The following RASSF3 variants were observed in gnomAD, a reference collection of about 807,000 sequenced individuals.
RASSF3 encodes the protein ras association domain-containing protein 3.
A neutral mutation model predicts 19.9 loss-of-function variants in RASSF3; 19 were observed. The observed-to-expected ratio is 0.96, with a 90% CI of 0.67 to 1.40. The LOEUF (loss-of-function observed/expected upper bound fraction) is 1.40, where lower values mean the gene tolerates loss of function less well. Ranked by LOEUF, RASSF3 falls within the 40% of genes most tolerant of loss-of-function variation. The probability of loss-of-function intolerance (pLI) is 0.00; values close to 1 mark genes in which losing one functional copy is unlikely to be tolerated. For synonymous variants in RASSF3, 110 were observed against 104.2 expected, an observed-to-expected ratio of 1.06 and a Z score of -0.34; for missense variants, 306 against 289.8, an observed-to-expected ratio of 1.06 and a Z score of -0.41.
intron 1 of RASSF3, among the ~76,000 whole-genome samples, chr12:64,652,036 C>T (rs181223351): frequency 3.9e-5 from 6 of 152,196 alleles, no homozygotes; most frequent in Admixed American, 1.3e-4. Flanking sequence ...AATTATTAGA[C>T]GTGCTAAGGC....
chr12:64,619,344 A>G (rs541909404), intron 1 of RASSF3, among the ~76,000 whole-genome samples: 78 of 150,734 alleles, frequency 5.2e-4, no homozygotes, highest in Non-Finnish European at 7.4e-4. Context: ...TTTTTTCCAC[A>G]TGAGCCAATA....
chr12:64,554,700 G>A (rs1330121889), intron 2 of RASSF3, among the ~76,000 whole-genome samples: 22 of 152,134 alleles, frequency 1.4e-4, no homozygotes, highest in Non-Finnish European at 1.5e-5. Flanking sequence ...AACTAGAAAT[G>A]GGATGACAGT....
chr12:64,542,750 C>A (rs1368212395), downstream of RASSF3, among the ~76,000 whole-genome samples: 1 of 152,168 alleles, frequency 6.6e-6, no homozygotes, highest in Non-Finnish European at 1.5e-5. Context: ...ATTAATAGGG[C>A]ATGGTGGTGA....
chr12:64,604,134 T>TC (rs1870143537), intron 2 of RASSF3, among the ~76,000 whole-genome samples: 1 of 150,972 alleles, frequency 6.6e-6, no homozygotes, highest in Non-Finnish European at 1.5e-5. Flanking sequence ...GTTTTCTTTT[T>TC]TTTTTTTTTT....
At chr12:64,520,864 G>A (rs910228521) in intron 1 of RASSF3, among the ~76,000 whole-genome samples, 3 of 152,044 alleles carry the variant, frequency 2.0e-5, no homozygotes, top group African/African-American at 7.2e-5. Context: ...GGACCCCAAA[G>A]GAGCTAGAGA....
At chr12:64,596,067 T>C (rs1869995228) in intron 2 of RASSF3, among the ~76,000 whole-genome samples, 1 of 152,206 alleles carries the variant, frequency 6.6e-6, no homozygotes, top group Non-Finnish European at 1.5e-5. Flanking sequence ...GAATGCATGC[T>C]CAGAGAGGCC....
chr12:64,560,168 C>T (rs575945294), intron 2 of RASSF3, among the ~76,000 whole-genome samples: 1 of 152,220 alleles, frequency 6.6e-6, no homozygotes, highest in East Asian at 1.9e-4. Context: ...CATTCAGATG[C>T]CCCCATCCCA....
At chr12:64,642,865 C>CTT (rs537286977) in intron 1 of RASSF3, among the ~76,000 whole-genome samples, 40 of 138,892 alleles carry the variant, frequency 2.9e-4, no homozygotes, top group Middle Eastern at 3.9e-3. Context: ...TTCTTTCTTT[C>CTT]TTTTTTTTTT....
At chr12:64,511,739 A>C (rs1170043208) in intron 1 of RASSF3, among the ~76,000 whole-genome samples, 1 of 152,210 alleles carries the variant, frequency 6.6e-6, no homozygotes, top group Non-Finnish European at 1.5e-5. Flanking sequence ...CACCCCCTTG[A>C]AGATAAAAGC....
At chr12:64,633,574 C>A (rs1230695085) in intron 1 of RASSF3, among the ~76,000 whole-genome samples, 1 of 152,126 alleles carries the variant, frequency 6.6e-6, no homozygotes, top group South Asian at 2.1e-4. Context: ...TCCTGTGCAG[C>A]CAACAGAACT....
rs539770207 is a variant in RASSF3 at position 64,509,041 on chromosome 12, G to A, written c.169+1712G>A. Among the ~76,000 whole-genome samples the A allele has an allele frequency of 7.2e-4, 109 of 151,286 alleles. 3 individuals carry two copies. In the South Asian group the frequency reaches 0.022, roughly 30 times the overall value. ...AAAATAGGGAGAATTTAACTTAATC[G>A]TTTAAGTCTCTGTTTATATGTACCA... On this transcript the variant is annotated intron_variant, in intron 1 of 5. Transcript: ENST00000637125.
intron 2 of RASSF3, among the ~76,000 whole-genome samples, chr12:64,595,064 CTTTTTTT>C (rs1171762487): frequency 2.2e-5 from 2 of 90,950 alleles, no homozygotes; most frequent in Non-Finnish European, 4.0e-5. Flanking sequence ...CATATGAAAT[CTTTTTTT>C]TTTTTTTTTT....
intron 1 of RASSF3, among the ~76,000 whole-genome samples, chr12:64,651,453 G>A (rs1437987214): frequency 2.0e-5 from 3 of 152,094 alleles, no homozygotes; most frequent in Non-Finnish European, 4.4e-5. Context: ...CCAACCTCCC[G>A]GGTTCAAGTG....
intron 1 of RASSF3, among the ~76,000 whole-genome samples, chr12:64,638,387 T>C (rs754417979): frequency 1.3e-4 from 20 of 151,944 alleles, no homozygotes; most frequent in Non-Finnish European, 2.8e-4. Flanking sequence ...GAGACCATCC[T>C]GGCTAATACG....
In RASSF3 at chr12:64,518,552, A is replaced by C. The variant is rs1868406790; in HGVS notation, c.169+11223A>C. 2.0e-5 allele frequency among the ~76,000 whole-genome samples: 3 copies of C among 152,242 alleles called. No individual in the cohort carries two copies. The South Asian group carries it at 6.2e-4, about 31-fold the overall frequency. ...CAAGGATGGCACCAAGCCATGCATGAGGGATCCATCCCCACATTGGGGATT... is the reference window on the plus strand; with the variant it reads ...CAAGGATGGCACCAAGCCATGCATGCGGGATCCATCCCCACATTGGGGATT... On this transcript the variant is annotated intron_variant, in intron 1 of 5. Coordinates refer to the RASSF3 transcript ENST00000637125.
intron 1 of RASSF3, among the ~76,000 whole-genome samples, chr12:64,639,891 A>G (rs1011438274): frequency 1.3e-5 from 2 of 152,360 alleles, no homozygotes; most frequent in East Asian, 1.9e-4. Context: ...CTTGGCCACA[A>G]GGTCTGTGAT....
chr12:64,623,859 G>T (rs1042547970), intron 1 of RASSF3, among the ~76,000 whole-genome samples: 3 of 151,832 alleles, frequency 2.0e-5, no homozygotes, highest in African/African-American at 7.3e-5. Flanking sequence ...GTGTTGGCCA[G>T]ACTGGCCTCA....
intron 2 of RASSF3, among the ~76,000 whole-genome samples, chr12:64,570,936 G>A (rs1164536430): frequency 6.6e-6 from 1 of 152,154 alleles, no homozygotes; most frequent in Non-Finnish European, 1.5e-5. Context: ...AGTGTCTAAA[G>A]GCCAGACGCA....
At chr12:64,522,682 A>G (rs936462224) in intron 1 of RASSF3, among the ~76,000 whole-genome samples, 7 of 151,894 alleles carry the variant, frequency 4.6e-5, no homozygotes, top group African/African-American at 1.4e-4. Context: ...AGGAGTCTCA[A>G]CGCAAGAAAT....
Sources: allele counts gnomAD v4.1 joint callset (sites outside exome capture counted in the v4.1 genomes callset), GRCh38; gene constraint gnomAD v4.1.1; transcripts MANE v1.5; gene names NCBI Gene and HGNC (gene_info 2026-07-23, HGNC 2026-07-21).